Variants in HNF4G observed in about 807,000 individuals in gnomAD.
HNF4G encodes hepatocyte nuclear factor 4 gamma, also known as hepatocyte nuclear factor 4-gamma.
A neutral mutation model predicts 50.9 loss-of-function variants in HNF4G; 21 were observed. The ratio of observed to expected loss-of-function variants is 0.41; its 90% CI spans 0.29 to 0.59. The LOEUF (loss-of-function observed/expected upper bound fraction) is 0.59, where lower values mean the gene tolerates loss of function less well. Ranked by LOEUF, HNF4G falls within the 20% of genes least tolerant of loss-of-function variation. The pLI is 0.26. For synonymous variants in HNF4G, 198 were observed against 185.6 expected, an observed-to-expected ratio of 1.07 and a Z score of -0.54; for missense variants, 527 against 559.4, an observed-to-expected ratio of 0.94 and a Z score of 0.58.
At chr8:75,495,892 T>A (rs1262449517) in intron 2 of HNF4G, among the ~76,000 whole-genome samples, 1 of 152,098 alleles carries the variant, frequency 6.6e-6, no homozygotes, top group African/African-American at 2.4e-5. Context: ...GCCCTTACCT[T>A]AATAAAGAAA....
chr8:75,452,491 G>A (rs73343037), intron 1 of HNF4G, among the ~76,000 whole-genome samples: 2,349 of 152,184 alleles, frequency 0.015, 63 homozygotes, highest in African/African-American at 0.054. Context: ...AGCCCGAAGC[G>A]GGGGGATCAT....
At chr8:75,551,264 T>G in intron 3 of HNF4G, 124 bp from the exon 4 acceptor site, 1 of 580,834 alleles carries the variant, frequency 1.7e-6, no homozygotes, top group South Asian at 2.3e-5. Flanking sequence ...AATATCTTTC[T>G]TCCAAGGTCT....
At position 75,551,403 on chromosome 8, in the gene HNF4G, G is replaced by A. The variant is rs1390676272; in HGVS notation, c.398G>A (p.Arg133His). The part of the protein sequence containing the change: ...GMKKEAVQNE[R>H]DRISTRRSTF... ...TTCCCCCTAGCTGTACAAAATGAAC[G>A]TGACAGAATAAGCACCAGAAGAAGC... The change falls in exon 4 of 10, where the codon CGT (arginine) becomes CAT (histidine). Residue 133 changes from arginine (R) to histidine (H), a missense_variant. Arg to His is a conservative substitution (Grantham distance 29). Around this residue, in one of 5 missense-constraint regions of HNF4G, gnomAD observed 128 missense variants for 135.3 expected, o/e 0.95. Transcript: ENST00000396423. The A allele has an allele frequency of 1.0e-5, 16 of 1,607,988 alleles. No individual in the cohort carries two copies. The highest frequency in any genetic ancestry group is 1.3e-5 in the African/African-American group (1 of 74,680).
intron 1 of HNF4G, among the ~76,000 whole-genome samples, chr8:75,450,508 T>G (rs1046539663): frequency 6.6e-6 from 1 of 152,198 alleles, no homozygotes; most frequent in African/African-American, 2.4e-5. Flanking sequence ...TTGAGGAAAC[T>G]CCATACTGTT....
chr8:75,447,075 A>G (rs1175044132), intron 1 of HNF4G, among the ~76,000 whole-genome samples: 30 of 136,462 alleles, frequency 2.2e-4, no homozygotes, highest in African/African-American at 7.3e-4. Context: ...TACTGGTACC[A>G]AAACAGAGAT....
At chr8:75,477,990 T>A (rs146936238) in intron 1 of HNF4G, among the ~76,000 whole-genome samples, 2 of 150,452 alleles carry the variant, frequency 1.3e-5, no homozygotes, top group African/African-American at 2.4e-5. Flanking sequence ...AGAAAAAAAA[T>A]TATGATGCAT....
intron 2 of HNF4G, among the ~76,000 whole-genome samples, chr8:75,527,813 C>T (rs1450558342): frequency 6.6e-6 from 1 of 152,116 alleles, no homozygotes; most frequent in African/African-American, 2.4e-5. Flanking sequence ...TAAAATGTAT[C>T]TTTGAGTGAG....
intron 1 of HNF4G, among the ~76,000 whole-genome samples, chr8:75,463,474 A>T (rs566743878): frequency 1.3e-5 from 2 of 152,248 alleles, no homozygotes; most frequent in East Asian, 3.9e-4. Flanking sequence ...AAAGGCTAGG[A>T]TCTGGCCAAT....
chr8:75,461,922 A>T (rs867995607), intron 1 of HNF4G, among the ~76,000 whole-genome samples: 1 of 130,380 alleles, frequency 7.7e-6, no homozygotes. Context: ...ATATATATAT[A>T]TATATATTTT....
chr8:75,539,060 CA>C (rs2130780687), upstream of HNF4G, among the ~76,000 whole-genome samples: 1 of 152,144 alleles, frequency 6.6e-6, no homozygotes, highest in Admixed American at 6.6e-5. Context: ...AAATATTCCC[CA>C]AACCCTAGAT....
intron 2 of HNF4G, chr8:75,495,410 A>T (rs1403394349): frequency 1.3e-5 from 2 of 152,174 alleles, no homozygotes; most frequent in African/African-American, 4.8e-5. Flanking sequence ...TGTAGGCCTC[A>T]GAATTCACTG....
chr8:75,489,465 TG>T (rs1465843754), intron 1 of HNF4G, among the ~76,000 whole-genome samples: 11 of 152,224 alleles, frequency 7.2e-5, no homozygotes, highest in African/African-American at 2.7e-4. Flanking sequence ...GCAATGGTGT[TG>T]AAGAGCCAAC....
upstream of HNF4G, among the ~76,000 whole-genome samples, chr8:75,538,315 G>A (rs1307160884): frequency 6.6e-6 from 1 of 152,096 alleles, no homozygotes; most frequent in South Asian, 2.1e-4. Flanking sequence ...TGTCACCCGC[G>A]GGAACAGACT....
intron 2 of HNF4G, among the ~76,000 whole-genome samples, chr8:75,500,995 T>C (rs1812910788): frequency 6.6e-6 from 1 of 151,832 alleles, no homozygotes; most frequent in Non-Finnish European, 1.5e-5. Context: ...ATAAATATAA[T>C]AAACATGTAT....
At chr8:75,467,624 C>A (rs1318589743) in intron 1 of HNF4G, among the ~76,000 whole-genome samples, 3 of 150,312 alleles carry the variant, frequency 2.0e-5, no homozygotes, top group Non-Finnish European at 4.4e-5. Flanking sequence ...CGTGCCAGTG[C>A]ACTCCAGCCT....
intron 5 of HNF4G, among the ~76,000 whole-genome samples, chr8:75,553,946 A>G (rs1807043130): frequency 6.6e-6 from 1 of 152,124 alleles, no homozygotes; most frequent in African/African-American, 2.4e-5. Context: ...ATTCATTTTG[A>G]ACCGTTCTTA....
At chr8:75,432,944 C>T (rs1201826674) in intron 1 of HNF4G, among the ~76,000 whole-genome samples, 1 of 152,184 alleles carries the variant, frequency 6.6e-6, no homozygotes, top group Non-Finnish European at 1.5e-5. Flanking sequence ...TCAAAAGACA[C>T]TACCAATTTG....
At chr8:75,435,748 C>T (rs917455375) in intron 1 of HNF4G, among the ~76,000 whole-genome samples, 2 of 152,152 alleles carry the variant, frequency 1.3e-5, no homozygotes, top group Non-Finnish European at 2.9e-5. Flanking sequence ...CATGCACCAC[C>T]ACACCCAGCT....
chr8:75,554,711 C>CT (rs1470004148), intron 5 of HNF4G, among the ~76,000 whole-genome samples: 1 of 152,116 alleles, frequency 6.6e-6, no homozygotes, highest in African/African-American at 2.4e-5. Context: ...AATGTACACT[C>CT]TATTTGAGAA....
Sources: gnomAD v4.1 joint callset for allele counts (sites outside exome capture counted in the v4.1 genomes callset) on GRCh38, gnomAD v4.1.1 for gene constraint, gnomAD v4.1.1 regional missense constraint, MANE v1.5 for transcripts, NCBI Gene and HGNC (gene_info 2026-07-23, HGNC 2026-07-21) for gene names.